Variants in ZDHHC11 observed in about 807,000 individuals in gnomAD.
ZDHHC11 encodes the protein palmitoyltransferase ZDHHC11.
A neutral mutation model predicts 51.3 loss-of-function variants in ZDHHC11; 44 were observed. That is an observed-to-expected ratio of 0.86 (90% CI 0.67 to 1.10). ZDHHC11 has a LOEUF of 1.10. ZDHHC11 is among the 50% of genes least tolerant of loss of function. The pLI is 0.00. For missense variants in ZDHHC11, 400 were observed against 537.7 expected (o/e 0.74, Z 2.53); for synonymous variants, 163 against 222.0 (o/e 0.73, Z 2.36).
Position 850,599 on chromosome 5 carries a change from C to G in ZDHHC11, c.4G>C (p.Asp2His), listed in dbSNP as rs1398401590. M[D>H]TRSGSQCSVT... is the part of the protein sequence containing the mutation. Reference sequence around the variant, plus strand: ...GAACACTGGCTCCCGGAGCGGGTGTCCATCTGCAGGACACAGAAGGGGAGG... The same window carrying G: ...GAACACTGGCTCCCGGAGCGGGTGTGCATCTGCAGGACACAGAAGGGGAGG... Residue 2 changes from aspartate (D) to histidine (H), a missense_variant, in exon 1 of 13, where the codon GAC (aspartate) becomes CAC (histidine). Transcript: ENST00000283441. 1 of 1,613,250 alleles carries G rather than the reference C, an allele frequency of 6.2e-7. No individual in the cohort carries two copies. The highest frequency in any genetic ancestry group is 8.5e-7 in the Non-Finnish European group (1 of 1,179,970).
chr5:831,873 TA>T (rs1449185264), intron 7 of ZDHHC11, among the ~76,000 whole-genome samples: 778 of 146,984 alleles, frequency 5.3e-3, no homozygotes, highest in African/African-American at 0.018. Context: ...ACAACTACTA[TA>T]AAAAACAGTA....
chr5:803,653 T>C, intron 11 of ZDHHC11, among the ~76,000 whole-genome samples: 1 of 151,106 alleles, frequency 6.6e-6, no homozygotes, highest in East Asian at 1.9e-4. Context: ...GCATAAACTA[T>C]GTCTGTGAAA....
At chr5:808,701 A>ATT (rs1161740691) in intron 11 of ZDHHC11, among the ~76,000 whole-genome samples, 4,774 of 128,856 alleles carry the variant, frequency 0.037, 314 homozygotes, top group African/African-American at 0.12. Flanking sequence ...AACCTAGCTA[A>ATT]TTTTTTTTTT....
chr5:797,925 A>T (rs1236021841), intron 12 of ZDHHC11, among the ~76,000 whole-genome samples: 1 of 151,010 alleles, frequency 6.6e-6, no homozygotes, highest in Non-Finnish European at 1.5e-5. Flanking sequence ...TGACCAGTTC[A>T]GAATCACTCT....
At chr5:840,844 T>G (rs1244361044) in intron 4 of ZDHHC11, 194 bp from the exon 5 acceptor site, 6 of 1,469,922 alleles carry the variant, frequency 4.1e-6, no homozygotes, top group Non-Finnish European at 5.4e-6. Context: ...TTGGTTTTCA[T>G]GATCCCTGCT....
Position 811,956 on chromosome 5 carries a change from G to A in ZDHHC11, c.1181+2805C>T, listed in dbSNP as rs1740143768. Among the ~76,000 whole-genome samples, 4 of 139,234 alleles carry A rather than the reference G, an allele frequency of 2.9e-5. No individual in the cohort carries two copies. In the South Asian group the frequency reaches 9.5e-4, roughly 33 times the overall value. 91.3% of individuals were successfully genotyped at this position (139,234 alleles called of 152,430 possible). On this transcript the variant is annotated intron_variant, in intron 11 of 12. Coordinates refer to ENST00000283441, the MANE Select transcript of ZDHHC11 (RefSeq NM_024786.3). ...GAAATAAACGTGTAGAAACAGATCT[G>A]AGTCTAGTGCTTATGGCAAGCACTA... is the stretch of plus-strand genomic sequence containing the variant.
intron 7 of ZDHHC11, among the ~76,000 whole-genome samples, chr5:827,833 C>A (rs1254166896): frequency 1.3e-5 from 2 of 150,260 alleles, no homozygotes; most frequent in South Asian, 2.1e-4. Context: ...GGAAGGTCAA[C>A]AGAAAAACAA....
chr5:835,448 C>T (rs965304137), intron 6 of ZDHHC11, among the ~76,000 whole-genome samples: 4 of 151,642 alleles, frequency 2.6e-5, no homozygotes. Flanking sequence ...ATTACTGTAG[C>T]TTTATGTCTC....
At chr5:821,994 C>A (rs12655323) in intron 8 of ZDHHC11, 99 bp from the exon 9 acceptor site, 155,029 of 1,082,512 alleles carry the variant, frequency 0.14, 19,202 homozygotes, top group African/African-American at 0.53. Flanking sequence ...ACAGTCACTT[C>A]TGAGTAATGG....
At chr5:827,496 G>A (rs1742440549) in intron 7 of ZDHHC11, among the ~76,000 whole-genome samples, 2 of 150,896 alleles carry the variant, frequency 1.3e-5, no homozygotes, top group African/African-American at 2.4e-5. Flanking sequence ...CACACCTAAT[G>A]TATAAGGACT....
intron 3 of ZDHHC11, among the ~76,000 whole-genome samples, chr5:846,704 GT>G (rs1746238937): frequency 1.2e-4 from 13 of 110,520 alleles, no homozygotes; most frequent in African/African-American, 4.8e-4. Flanking sequence ...AACACCTCTC[GT>G]CCTTGAGCCT....
chr5:804,092 C>T (rs914363036), intron 11 of ZDHHC11, among the ~76,000 whole-genome samples: 1 of 151,208 alleles, frequency 6.6e-6, no homozygotes, highest in African/African-American at 2.4e-5. Context: ...ACAGTGTTCG[C>T]CCATTATCAG....
chr5:843,908 AGGGACACGCAGGGCATC>A (rs1745584630), intron 3 of ZDHHC11, among the ~76,000 whole-genome samples, 184 bp from the exon 4 acceptor site: 5 of 106,674 alleles, frequency 4.7e-5, no homozygotes, highest in South Asian at 3.5e-4. Flanking sequence ...AGGCAGGGGC[AGGGACACGCAGGGCATC>A]TGAGGCAGGG....
At chr5:813,699 T>C (rs1740385827) in intron 11 of ZDHHC11, among the ~76,000 whole-genome samples, 1 of 149,824 alleles carries the variant, frequency 6.7e-6, no homozygotes. Context: ...CTGCAGCTGC[T>C]GTGTGCCCAG....
chr5:806,034 G>C (rs1352687726), intron 11 of ZDHHC11, among the ~76,000 whole-genome samples: 1 of 151,288 alleles, frequency 6.6e-6, no homozygotes. Context: ...GGACACCAGA[G>C]GTGTGGCAGG....
intron 10 of ZDHHC11, chr5:816,943 A>G: frequency 8.6e-6 from 3 of 346,922 alleles, no homozygotes; most frequent in South Asian, 5.9e-5. Flanking sequence ...TCATGGATGC[A>G]TGAGCCTGAA....
At chr5:817,473 GA>G (rs1215199409) in intron 10 of ZDHHC11, among the ~76,000 whole-genome samples, 3 of 151,310 alleles carry the variant, frequency 2.0e-5, no homozygotes, top group Non-Finnish European at 3.0e-5. Context: ...CTCACTTGGG[GA>G]AAACTTTAAA....
chr5:850,219 G>C (rs1455241375), intron 1 of ZDHHC11, 162 bp downstream of exon 1: 7 of 768,514 alleles, frequency 9.1e-6, no homozygotes, highest in Admixed American at 7.3e-5. Context: ...CACAGAGCAT[G>C]AGTGGCCACT....
rs528135168 is a variant in ZDHHC11 at position 834,342 on chromosome 5, ATATG to A, written c.901-539_901-536del. On this transcript the variant is annotated intron_variant, in intron 6 of 12. Transcript: ENST00000283441. ...TGTTCAAATCTTTTGCCCATTTTTT[ATATG>A]TATGTATGTATTTTTATTTATTTTT... Among the ~76,000 whole-genome samples the A allele has an allele frequency of 8.1e-3, 1,225 of 152,108 alleles. 5 individuals are homozygous for A. The highest frequency in any genetic ancestry group is 0.027 in the African/African-American group (1,126 of 41,330).
Sources: gnomAD v4.1 joint callset for allele counts (sites outside exome capture counted in the v4.1 genomes callset) on GRCh38, gnomAD v4.1.1 for gene constraint, MANE v1.5 for transcripts, NCBI Gene and HGNC (gene_info 2026-07-23, HGNC 2026-07-21) for gene names.